EYS: variants seen among roughly 807,000 people sequenced by gnomAD.
EYS encodes the protein protein eyes shut homolog.
A neutral mutation model predicts 282.1 loss-of-function variants in EYS; 250 were observed. The ratio of observed to expected loss-of-function variants is 0.89; its 90% confidence interval spans 0.80 to 0.98. The LOEUF is 0.98. Among genes scored for constraint, EYS ranks in the 50% least tolerant of loss-of-function variants. The pLI is 0.00. For synonymous variants in EYS, 1,355 were observed against 1,282.9 expected, an observed-to-expected ratio of 1.06 and a Z score of -1.20; for missense variants, 4,016 against 3,709.0, an observed-to-expected ratio of 1.08 and a Z score of -2.15.
At chr6:64,016,942 T>G (rs1158735167) in intron 33 of EYS, among the ~76,000 whole-genome samples, 1 of 152,056 alleles carries the variant, frequency 6.6e-6, no homozygotes, top group Non-Finnish European at 1.5e-5. Context: ...CTCACTCTGT[T>G]CTCTTAAGAT....
At chr6:64,000,452 G>C (rs1401895448) in intron 33 of EYS, among the ~76,000 whole-genome samples, 1 of 150,744 alleles carries the variant, frequency 6.6e-6, no homozygotes, top group African/African-American at 2.4e-5. Context: ...TCCCAACCTC[G>C]GCCTCCCAAA....
chr6:65,545,880 T>G (rs1213653710), intron 2 of EYS, among the ~76,000 whole-genome samples: 1 of 152,114 alleles, frequency 6.6e-6, no homozygotes, highest in Admixed American at 6.6e-5. Context: ...TTGATGCTGA[T>G]TGATGAAATA....
intron 22 of EYS, among the ~76,000 whole-genome samples, chr6:64,638,984 G>A (rs1562105888): frequency 1.2e-5 from 1 of 85,090 alleles, no homozygotes; most frequent in Non-Finnish European, 2.4e-5. Context: ...CCACAGATAA[G>A]TGGCTTGAAC....
intron 12 of EYS, among the ~76,000 whole-genome samples, chr6:65,089,774 C>G (rs761226167): frequency 2.6e-5 from 4 of 151,494 alleles, no homozygotes; most frequent in Middle Eastern, 6.3e-3. Flanking sequence ...GCCAACATGA[C>G]AAAACCCCAT....
intron 35 of EYS, among the ~76,000 whole-genome samples, chr6:63,968,240 T>A (rs78688556): frequency 0.017 from 2,607 of 152,296 alleles, 65 homozygotes; most frequent in African/African-American, 0.053. Context: ...ATCAGAGAAA[T>A]TATTAGTGCA....
intron 31 of EYS, among the ~76,000 whole-genome samples, chr6:64,082,915 T>TG (rs1772022415): frequency 6.6e-6 from 1 of 150,848 alleles, no homozygotes; most frequent in South Asian, 2.1e-4. Context: ...GCAACTTCTT[T>TG]TTTTTTTTTT....
rs534371671 is a variant in EYS at position 65,034,860 on chromosome 6, T to C, written c.2137+22754A>G. ...GAAAGGACCCCTTTCTAACTCATTC[T>C]ATGAGGCCAGCATTATTCCTTTACC... On this transcript the variant is annotated intron_variant, in intron 13 of 42. Coordinates refer to ENST00000503581, the MANE Select transcript of EYS (RefSeq NM_001142800.2). 3.0e-4 allele frequency among the ~76,000 whole-genome samples: 45 copies of C among 152,246 alleles called. No individual in the cohort carries two copies. In the East Asian group the frequency reaches 8.7e-3, roughly 29 times the overall value.
intron 19 of EYS, among the ~76,000 whole-genome samples, chr6:64,846,518 A>G (rs976256633): frequency 9.9e-5 from 15 of 152,146 alleles, no homozygotes; most frequent in African/African-American, 3.1e-4. Context: ...TATAAGAAGA[A>G]AAAATTTAGT....
chr6:64,151,346 TATATATATATATATATA>T (rs1218347454), intron 31 of EYS, among the ~76,000 whole-genome samples: 11 of 116,568 alleles, frequency 9.4e-5, no homozygotes, highest in African/African-American at 4.1e-4. Flanking sequence ...TATATATATA[TATATATATATATATATA>T]ATTTTTTTTT....
At chr6:64,547,761 G>T (rs548855349) in intron 26 of EYS, among the ~76,000 whole-genome samples, 1 of 152,240 alleles carries the variant, frequency 6.6e-6, no homozygotes, top group African/African-American at 2.4e-5. Context: ...GGGACTGGGC[G>T]CTGTGGAGCA....
At chr6:64,054,162 A>G (rs912025981) in intron 33 of EYS, among the ~76,000 whole-genome samples, 2 of 152,152 alleles carry the variant, frequency 1.3e-5, no homozygotes, top group Non-Finnish European at 2.9e-5. Flanking sequence ...ATCCTGTACC[A>G]TTTATGGTTT....
chr6:64,800,369 A>G (rs982070228), intron 22 of EYS, among the ~76,000 whole-genome samples: 1 of 152,046 alleles, frequency 6.6e-6, no homozygotes, highest in Admixed American at 6.6e-5. Context: ...GGCAGAGATC[A>G]AATTCTGACA....
chr6:64,310,778 G>T (rs9359872), intron 29 of EYS, among the ~76,000 whole-genome samples: 1 of 29,004 alleles, frequency 3.4e-5, no homozygotes, highest in Non-Finnish European at 1.4e-4. Context: ...AAAAAAAAGA[G>T]AGAGAGAGAA....
At chr6:65,630,693 A>T (rs146625981) in intron 2 of EYS, among the ~76,000 whole-genome samples, 34 of 152,336 alleles carry the variant, frequency 2.2e-4, no homozygotes, top group African/African-American at 5.5e-4. Context: ...TCACAGTGTC[A>T]TTGTCAGTTA....
chr6:65,576,552 A>G (rs977954184), intron 2 of EYS, among the ~76,000 whole-genome samples: 2 of 151,884 alleles, frequency 1.3e-5, no homozygotes, highest in African/African-American at 4.8e-5. Context: ...CATTTTATTC[A>G]AAAATAGAGT....
intron 31 of EYS, among the ~76,000 whole-genome samples, chr6:64,158,448 AG>A (rs1320747255): frequency 6.6e-6 from 1 of 152,240 alleles, no homozygotes; most frequent in Non-Finnish European, 1.5e-5. Flanking sequence ...ATAGTTGTTC[AG>A]GTAGCTAACT....
At chr6:64,010,284 G>A (rs911204247) in intron 33 of EYS, among the ~76,000 whole-genome samples, 1 of 152,014 alleles carries the variant, frequency 6.6e-6, no homozygotes, top group Non-Finnish European at 1.5e-5. Context: ...CGGTGCTCCT[G>A]CTCTGACAGT....
intron 2 of EYS, among the ~76,000 whole-genome samples, chr6:65,618,361 G>A (rs1328413252): frequency 6.6e-6 from 1 of 152,246 alleles, no homozygotes; most frequent in African/African-American, 2.4e-5. Context: ...CTTTTGAGAA[G>A]TGTCTGTTCA....
At chr6:65,145,138 C>T (rs577243343) in intron 12 of EYS, among the ~76,000 whole-genome samples, 3 of 151,810 alleles carry the variant, frequency 2.0e-5, no homozygotes, top group Non-Finnish European at 2.9e-5. Flanking sequence ...TTTTTTATTA[C>T]ACAGAAAACA....
Sources: allele counts gnomAD v4.1 joint callset (sites outside exome capture counted in the v4.1 genomes callset), GRCh38; gene constraint gnomAD v4.1.1; transcripts MANE v1.5; gene names NCBI Gene and HGNC (gene_info 2026-07-23, HGNC 2026-07-21).